NCOA1: variants seen among roughly 807,000 people sequenced by gnomAD.
NCOA1 encodes the protein nuclear receptor coactivator 1.
In NCOA1, 35 loss-of-function variants were observed where a neutral mutation model predicts 150.9. The ratio of observed to expected loss-of-function variants is 0.23; its 90% CI spans 0.18 to 0.31. The LOEUF is 0.31. Among genes scored for constraint, NCOA1 ranks in the 10% least tolerant of loss-of-function variants. NCOA1 has a pLI of 1.00. For missense variants in NCOA1, 1,491 were observed against 1,749.3 expected (o/e 0.85, Z 2.63); for synonymous variants, 590 against 630.0 (o/e 0.94, Z 0.95).
intron 1 of NCOA1, among the ~76,000 whole-genome samples, chr2:24,533,511 C>T (rs1664988362): frequency 6.6e-6 from 1 of 152,142 alleles, no homozygotes; most frequent in African/African-American, 2.4e-5. Flanking sequence ...GAGAGGGCAT[C>T]TCTGTCTTGT....
chr2:24,692,423 A>G (rs183137471), intron 9 of NCOA1, among the ~76,000 whole-genome samples: 1 of 152,388 alleles, frequency 6.6e-6, no homozygotes, highest in African/African-American at 2.4e-5. Flanking sequence ...CATCCTCAAA[A>G]CAAAACTTGG....
intron 19 of NCOA1, among the ~76,000 whole-genome samples, chr2:24,747,706 G>A (rs1664007081): frequency 6.6e-6 from 1 of 151,930 alleles, no homozygotes; most frequent in Admixed American, 6.6e-5. Flanking sequence ...TTCTTTTAAG[G>A]ATCACAACCA....
At chr2:24,698,104 A>T (rs1558295739) in intron 11 of NCOA1, among the ~76,000 whole-genome samples, 1 of 152,160 alleles carries the variant, frequency 6.6e-6, no homozygotes. Context: ...GGATACAGTG[A>T]TGACTAAAAA....
chr2:24,693,511 T>C (rs1672764705), intron 10 of NCOA1, among the ~76,000 whole-genome samples, 164 bp downstream of exon 10: 1 of 152,202 alleles, frequency 6.6e-6, no homozygotes, highest in African/African-American at 2.4e-5. Context: ...TTATACAATT[T>C]AGATACTATG....
Position 24,757,961 on chromosome 2 carries a change from T to C in NCOA1, c.3882-12T>C. ...TCAGTGGATGTAATCTGGATTGTTT[T>C]TGAGTTTACAGTGTGTTCAGTCAAG... On this transcript the variant is annotated splice_polypyrimidine_tract_variant and intron_variant, in intron 20 of 22. Transcript: ENST00000348332. 2 of 1,612,342 alleles carry C rather than the reference T, an allele frequency of 1.2e-6. No homozygotes were observed. Among genetic ancestry groups the C allele is most frequent in the Non-Finnish European group, 1.7e-6 (2 of 1,179,230 alleles).
intron 2 of NCOA1, among the ~76,000 whole-genome samples, chr2:24,576,172 T>TTG (rs1666969485): frequency 2.6e-5 from 1 of 37,938 alleles, no homozygotes; most frequent in African/African-American, 5.5e-5. Flanking sequence ...TGTTTTTTGT[T>TTG]TTTTTTTTTT....
In NCOA1 at chr2:24,686,088, G is replaced by A. The variant is rs191901815; in HGVS notation, c.532+2960G>A. On this transcript the variant is annotated intron_variant, in intron 8 of 22. Transcript: ENST00000348332. ...ATGATCTCAGCTCACTGCAACCTCC[G>A]CCTCCTGGGTTCAAGCAATTTTCCT... Among the ~76,000 whole-genome samples, 61 of 151,620 alleles carry A rather than the reference G, an allele frequency of 4.0e-4. 1 individual carries two copies. Among genetic ancestry groups the A allele is most frequent in the African/African-American group, 1.3e-3 (54 of 41,424 alleles).
chr2:24,659,146 T>G (rs1671072068), intron 5 of NCOA1: 1 of 188,844 alleles, frequency 5.3e-6, no homozygotes, highest in South Asian at 1.1e-4. Flanking sequence ...AATTTCTGGC[T>G]TCCCCGCTAG....
At chr2:24,749,832 A>G (rs946680161) in intron 19 of NCOA1, among the ~76,000 whole-genome samples, 25 of 152,362 alleles carry the variant, frequency 1.6e-4, no homozygotes, top group Middle Eastern at 3.4e-3. Context: ...TGAGGAGAAA[A>G]ATCAGCCAAT....
chr2:24,577,288 A>T (rs978643527), intron 2 of NCOA1, among the ~76,000 whole-genome samples: 2 of 152,202 alleles, frequency 1.3e-5, no homozygotes, highest in African/African-American at 4.8e-5. Flanking sequence ...CACAAAGTGC[A>T]TTTTCTCAAT....
intron 1 of NCOA1, among the ~76,000 whole-genome samples, chr2:24,514,285 CA>C (rs57412614): frequency 0.014 from 465 of 32,938 alleles, 2 homozygotes; most frequent in African/African-American, 0.053. Flanking sequence ...GACTCTGTCT[CA>C]AAAAAAAAAA....
At chr2:24,678,950 C>G (rs534011717) in intron 7 of NCOA1, among the ~76,000 whole-genome samples, 2 of 152,318 alleles carry the variant, frequency 1.3e-5, no homozygotes, top group African/African-American at 4.8e-5. Flanking sequence ...CATGAAATCT[C>G]TGCCCGTGCC....
chr2:24,524,398 A>G (rs908221469), intron 1 of NCOA1, among the ~76,000 whole-genome samples: 1 of 151,914 alleles, frequency 6.6e-6, no homozygotes, highest in African/African-American at 2.4e-5. Flanking sequence ...CCTGGACTCA[A>G]CCCTCCCACC....
chr2:24,517,048 C>G (rs985784644), intron 1 of NCOA1, among the ~76,000 whole-genome samples: 6 of 99,888 alleles, frequency 6.0e-5, no homozygotes, highest in African/African-American at 1.8e-4. Context: ...GTTTAGACTA[C>G]CCAGTATTTT....
chr2:24,639,914 G>A (rs2384037), intron 3 of NCOA1, among the ~76,000 whole-genome samples: 8,442 of 17,520 alleles, frequency 0.48, 1,825 homozygotes, highest in East Asian at 0.61. Flanking sequence ...GTATGTGTGT[G>A]TGTATATATA....
intron 19 of NCOA1, among the ~76,000 whole-genome samples, chr2:24,748,190 G>A (rs1231933538): frequency 6.6e-6 from 1 of 152,064 alleles, no homozygotes; most frequent in African/African-American, 2.4e-5. Flanking sequence ...GAAGCGACAA[G>A]GAGAAAATAT....
chr2:24,766,294 A>G lies in NCOA1; in HGVS notation c.4156-1927A>G, dbSNP rs1257639645. ...TCAAGAACTTTTTAAGAATTTAGGG[A>G]CAAAAACATCTTATGCTCTGCCCCA... On this transcript the variant is annotated intron_variant, in intron 22 of 22. Transcript: ENST00000348332. Among the ~76,000 whole-genome samples the G allele has an allele frequency of 3.3e-5, 5 of 152,336 alleles. No homozygotes were observed. The South Asian group carries it at 6.2e-4, about 19-fold the overall frequency.
rs150162476 is a variant in NCOA1, at chr2:24,721,674, C to T, written c.2600-4915C>T. On this transcript the variant is annotated intron_variant, in intron 14 of 22. Transcript: ENST00000348332. ...TGGACAGGTGCCAGAGTCAGCTGCA[C>T]TCAGAGCAATGGCCTGGCAGCAGCT... is the stretch of plus-strand genomic sequence containing the variant. Among the ~76,000 whole-genome samples, 633 of 152,338 alleles carry T rather than the reference C, an allele frequency of 4.2e-3. 5 individuals carry two copies. The highest frequency in any genetic ancestry group is 0.015 in the African/African-American group (613 of 41,584).
chr2:24,518,724 A>G (rs1399948135), intron 1 of NCOA1, among the ~76,000 whole-genome samples: 1 of 152,202 alleles, frequency 6.6e-6, no homozygotes, highest in Non-Finnish European at 1.5e-5. Flanking sequence ...TGCCATGTAT[A>G]AAAACATCGA....
Sources: allele counts gnomAD v4.1 joint callset (sites outside exome capture counted in the v4.1 genomes callset), GRCh38; gene constraint gnomAD v4.1.1; transcripts MANE v1.5; gene names NCBI Gene and HGNC (gene_info 2026-07-23, HGNC 2026-07-21).